Variants in OSBPL1A observed in about 807,000 individuals in gnomAD.
The protein encoded by OSBPL1A is oxysterol-binding protein-related protein 1.
OSBPL1A carries 80 observed loss-of-function variants against 137.1 expected under a neutral mutation model. The ratio of observed to expected loss-of-function variants is 0.58; its 90% CI spans 0.49 to 0.70. The LOEUF (loss-of-function observed/expected upper bound fraction) is 0.70. Among genes scored for constraint, OSBPL1A ranks in the 30% least tolerant of loss-of-function variants. OSBPL1A has a pLI of 0.00. For missense variants in OSBPL1A, 970 were observed against 1,129.4 expected, an observed-to-expected ratio of 0.86 and a Z score of 2.02; for synonymous variants, 365 against 389.7, an observed-to-expected ratio of 0.94 and a Z score of 0.75.
chr18:24,225,236 T>C (rs2088037118), intron 16 of OSBPL1A, 38 bp from the exon 17 acceptor site: 1 of 1,610,650 alleles, frequency 6.2e-7, no homozygotes, highest in Non-Finnish European at 8.5e-7. Flanking sequence ...GAATTGAACT[T>C]GGGTGTGAGG....
At chr18:24,232,073 C>T (rs540120445) in intron 16 of OSBPL1A, among the ~76,000 whole-genome samples, 1 of 152,260 alleles carries the variant, frequency 6.6e-6, no homozygotes, top group South Asian at 2.1e-4. Context: ...CGGTTTCCCA[C>T]GTACCAGGCA....
intron 4 of OSBPL1A, among the ~76,000 whole-genome samples, chr18:24,350,013 C>T (rs2091411057): frequency 6.6e-6 from 1 of 152,194 alleles, no homozygotes. Flanking sequence ...CAGTAAAATT[C>T]TAGGACACCA....
intron 17 of OSBPL1A, among the ~76,000 whole-genome samples, chr18:24,200,028 T>C (rs1458797249): frequency 1.3e-5 from 2 of 152,226 alleles, no homozygotes; most frequent in African/African-American, 4.8e-5. Flanking sequence ...AAACTAATTT[T>C]AGTAATTTAT....
intron 18 of OSBPL1A, among the ~76,000 whole-genome samples, chr18:24,189,722 C>G (rs2086838218): frequency 6.6e-6 from 1 of 152,210 alleles, no homozygotes; most frequent in South Asian, 2.1e-4. Context: ...TTCTTGCCAT[C>G]TGAATACCAC....
chr18:24,282,452 C>T (rs1211344596), intron 14 of OSBPL1A, among the ~76,000 whole-genome samples: 1 of 152,064 alleles, frequency 6.6e-6, no homozygotes, highest in African/African-American at 2.4e-5. Context: ...AGGTCCAGTA[C>T]CATTGAGTAT....
At chr18:24,178,223 A>T in intron 20 of OSBPL1A, 28 bp from the exon 21 acceptor site, 2 of 1,500,234 alleles carry the variant, frequency 1.3e-6, no homozygotes, top group Non-Finnish European at 1.8e-6. Context: ...AAAAAAAAGA[A>T]AAAAAAAAGC....
chr18:24,293,611 G>A (rs2090231926), intron 14 of OSBPL1A, among the ~76,000 whole-genome samples: 1 of 152,150 alleles, frequency 6.6e-6, no homozygotes, highest in Admixed American at 6.6e-5. Flanking sequence ...GAGTGACTAC[G>A]CCACTCAGGA....
At chr18:24,284,332 G>T (rs1389686837) in intron 14 of OSBPL1A, among the ~76,000 whole-genome samples, 1 of 152,040 alleles carries the variant, frequency 6.6e-6, no homozygotes, top group African/African-American at 2.4e-5. Flanking sequence ...ATGAATAAAC[G>T]CAAAAAGGCC....
chr18:24,197,809 T>C (rs2087080712), intron 17 of OSBPL1A, among the ~76,000 whole-genome samples: 1 of 148,200 alleles, frequency 6.7e-6, no homozygotes, highest in South Asian at 2.1e-4. Flanking sequence ...TTTTTTGAGA[T>C]GGACTTTCGT....
chr18:24,382,747 G>A lies in OSBPL1A; in HGVS notation c.-2-5212C>T, dbSNP rs572892564. Among the ~76,000 whole-genome samples, 20 of 152,004 alleles carry A rather than the reference G, an allele frequency of 1.3e-4. No individual in the cohort carries two copies. In the South Asian group the frequency reaches 2.3e-3, roughly 17 times the overall value. ...AAAATTAAGCCAGGCATGGTGGTGCGCGCCTGTAGTCTCCGCTACCTGAGA... is the reference window on the plus strand; with the variant it reads ...AAAATTAAGCCAGGCATGGTGGTGCACGCCTGTAGTCTCCGCTACCTGAGA... On this transcript the variant is annotated intron_variant, in intron 1 of 27. Coordinates refer to ENST00000319481, the MANE Select transcript of OSBPL1A (RefSeq NM_080597.4).
intron 4 of OSBPL1A, among the ~76,000 whole-genome samples, chr18:24,352,879 C>A (rs560498606): frequency 2.6e-4 from 40 of 152,250 alleles, no homozygotes; most frequent in African/African-American, 9.6e-4. Context: ...AAAGCTGAAA[C>A]TGGATCCCTT....
At chr18:24,395,278 A>G (rs1907655656) in intron 1 of OSBPL1A, among the ~76,000 whole-genome samples, 1 of 152,232 alleles carries the variant, frequency 6.6e-6, no homozygotes, top group Non-Finnish European at 1.5e-5. Flanking sequence ...CGCACTTGAT[A>G]TCATATTCTC....
intron 13 of OSBPL1A, among the ~76,000 whole-genome samples, chr18:24,307,609 T>A (rs924453348): frequency 2.0e-5 from 3 of 152,218 alleles, no homozygotes; most frequent in African/African-American, 7.2e-5. Flanking sequence ...CCAAGTAGTA[T>A]CATATTTGGT....
rs1457931977 is a variant in OSBPL1A, at chr18:24,366,917, T to G, written c.257A>C (p.His86Pro). The change falls in exon 4 of 28, where the codon CAT (histidine) becomes CCT (proline). Residue 86 changes from histidine to proline, a missense_variant. Transcript: ENST00000319481. ...CTTTCGTCCTGTAAAGGCAGCTCGA[T>G]GAAGCGGCGTGTCTCCCATGTCATT... ...VLNDMGDTPL[H>P]RAAFTGRKEL... is the part of the protein sequence containing the mutation. 1 of 1,612,178 alleles carries G rather than the reference T, an allele frequency of 6.2e-7. No homozygotes were observed. The highest frequency in any genetic ancestry group is 1.1e-5 in the South Asian group (1 of 90,642).
At chr18:24,171,527 T>A in intron 22 of OSBPL1A, 29 bp from the exon 23 acceptor site, 1 of 1,527,760 alleles carries the variant, frequency 6.5e-7, no homozygotes, top group Non-Finnish European at 9.0e-7. Flanking sequence ...GTTCAGATTA[T>A]CATTTATTAG....
chr18:24,237,408 G>A (rs939946776), intron 16 of OSBPL1A, among the ~76,000 whole-genome samples: 2 of 151,960 alleles, frequency 1.3e-5, no homozygotes, highest in Non-Finnish European at 2.9e-5. Flanking sequence ...GGGCTTAAGC[G>A]ATCCTCCCAC....
chr18:24,347,897 A>G (rs932096316), intron 4 of OSBPL1A: 10 of 152,034 alleles, frequency 6.6e-5, no homozygotes, highest in African/African-American at 2.2e-4. Flanking sequence ...GAGACTACAA[A>G]GAGAGGTTCA....
At chr18:24,318,460 A>T in intron 9 of OSBPL1A, 141 bp downstream of exon 9, 1 of 731,382 alleles carries the variant, frequency 1.4e-6, no homozygotes, top group Non-Finnish European at 2.2e-6. Flanking sequence ...AAAAAAAAAA[A>T]TCAGTGGTTT....
At chr18:24,179,477 C>T (rs1332335650) in intron 20 of OSBPL1A, among the ~76,000 whole-genome samples, 1 of 150,976 alleles carries the variant, frequency 6.6e-6, no homozygotes, top group African/African-American at 2.4e-5. Context: ...GTCTCATGAT[C>T]TACATAAGGA....
Sources: allele counts gnomAD v4.1 joint callset (sites outside exome capture counted in the v4.1 genomes callset), GRCh38; gene constraint gnomAD v4.1.1; transcripts MANE v1.5; gene names NCBI Gene and HGNC (gene_info 2026-07-23, HGNC 2026-07-21).